The following XKR4 variants were observed in gnomAD, a reference collection of about 807,000 sequenced individuals.
XKR4 encodes XK related 4.
In XKR4, 12 loss-of-function variants were observed where a neutral mutation model predicts 53.9. The observed-to-expected ratio is 0.22, with a 90% confidence interval of 0.14 to 0.36. XKR4 has a LOEUF of 0.36. Ranked by LOEUF, XKR4 falls within the 10% of genes least tolerant of loss-of-function variation. The probability of loss-of-function intolerance (pLI) is 1.00; values close to 1 mark genes in which losing one functional copy is unlikely to be tolerated. For missense variants in XKR4, 799 were observed against 859.5 expected (o/e 0.93, Z 0.88); for synonymous variants, 354 against 362.4 (o/e 0.98, Z 0.26).
At position 55,539,454 on chromosome 8, in the gene XKR4, T is replaced by A. The variant is rs564206166; in HGVS notation, c.*15227T>A. 2.0e-5 allele frequency: 3 copies of A among 152,332 alleles called. No homozygotes were observed. In the South Asian group the frequency reaches 6.2e-4, roughly 32 times the overall value. The allele number at this position is 152,332 out of a possible 1,614,324, so 9.4% of individuals were successfully genotyped here. A position where few individuals can be genotyped will look rare whatever the true frequency, so the allele number is the denominator to read the frequency against. ...GATACGCACTCAATATAATCTCTTC[T>A]GGATTCTAAAATCTAATTGGCAGTG... On this transcript the variant is annotated 3_prime_UTR_variant, in exon 3 of 3. Coordinates refer to ENST00000327381, the MANE Select transcript of XKR4 (RefSeq NM_052898.2).
intron 2 of XKR4, among the ~76,000 whole-genome samples, chr8:55,368,300 G>A (rs143851152): frequency 2.0e-3 from 298 of 152,196 alleles, no homozygotes; most frequent in African/African-American, 6.9e-3. Flanking sequence ...AAAACTCCCT[G>A]GGGACTTCTT....
chr8:55,299,269 T>G (rs60590619), intron 1 of XKR4, among the ~76,000 whole-genome samples: 1 of 152,156 alleles, frequency 6.6e-6, no homozygotes. Context: ...AGTGGAGATA[T>G]TTCTGGCAGC....
intron 2 of XKR4, among the ~76,000 whole-genome samples, chr8:55,390,409 GT>G (rs891113485): frequency 2.0e-4 from 31 of 152,252 alleles, no homozygotes; most frequent in African/African-American, 7.2e-4. Flanking sequence ...TCTGAAAAGG[GT>G]TTTTTACAAA....
chr8:55,243,440 TTAAC>T (rs1818238703), intron 1 of XKR4, among the ~76,000 whole-genome samples: 6 of 152,240 alleles, frequency 3.9e-5, no homozygotes, highest in Admixed American at 3.9e-4. Context: ...TTGGCTTTCT[TTAAC>T]TATTAATATG....
At chr8:55,502,690 A>G (rs1439027798) in intron 2 of XKR4, among the ~76,000 whole-genome samples, 2 of 152,140 alleles carry the variant, frequency 1.3e-5, no homozygotes, top group African/African-American at 4.8e-5. Context: ...CTCTGTTGAT[A>G]GTATCCTTTG....
At chr8:55,497,436 T>C (rs1210260562) in intron 2 of XKR4, among the ~76,000 whole-genome samples, 2 of 152,242 alleles carry the variant, frequency 1.3e-5, no homozygotes, top group Non-Finnish European at 2.9e-5. Flanking sequence ...CCAATAATTA[T>C]TGAATGTTTA....
intron 1 of XKR4, among the ~76,000 whole-genome samples, chr8:55,248,884 C>T (rs1818328541): frequency 6.6e-6 from 1 of 152,110 alleles, no homozygotes; most frequent in African/African-American, 2.4e-5. Flanking sequence ...TTCTACTTCA[C>T]TGTCATGTCT....
At chr8:55,209,613 A>C (rs1817700318) in intron 1 of XKR4, among the ~76,000 whole-genome samples, 1 of 152,116 alleles carries the variant, frequency 6.6e-6, no homozygotes, top group African/African-American at 2.4e-5. Flanking sequence ...TGCCGTGGGG[A>C]AGCCAACTTT....
intron 1 of XKR4, among the ~76,000 whole-genome samples, chr8:55,147,439 G>A (rs1297727204): frequency 6.6e-6 from 1 of 152,178 alleles, no homozygotes; most frequent in East Asian, 1.9e-4. Flanking sequence ...TTAGGGAGGA[G>A]AGCTAATAAC....
intron 2 of XKR4, among the ~76,000 whole-genome samples, chr8:55,458,051 T>G (rs2129397457): frequency 6.6e-6 from 1 of 152,270 alleles, no homozygotes; most frequent in South Asian, 2.1e-4. Context: ...ATGACAGTCC[T>G]CCCCAGATTG....
chr8:55,305,264 A>T (rs955917026), intron 1 of XKR4, among the ~76,000 whole-genome samples: 1 of 152,170 alleles, frequency 6.6e-6, no homozygotes, highest in Non-Finnish European at 1.5e-5. Context: ...CAGGTCCAAT[A>T]CCAGACATCT....
intron 2 of XKR4, chr8:55,451,255 A>G: frequency 1.7e-6 from 1 of 573,858 alleles, no homozygotes; most frequent in East Asian, 3.0e-5. Flanking sequence ...CTGCGCCCAC[A>G]GGTCCAGACA....
intron 2 of XKR4, among the ~76,000 whole-genome samples, chr8:55,446,884 C>G (rs114167952): frequency 1.5e-3 from 221 of 152,226 alleles, no homozygotes; most frequent in African/African-American, 5.1e-3. Context: ...AGAGCAAACC[C>G]TTACAGAAAA....
chr8:55,158,479 C>T (rs1816939054), intron 1 of XKR4, among the ~76,000 whole-genome samples: 2 of 152,150 alleles, frequency 1.3e-5, no homozygotes, highest in Non-Finnish European at 2.9e-5. Context: ...GTTTCTTTTA[C>T]TGTGCAGAAG....
At chr8:55,357,555 C>A in intron 1 of XKR4, 123 bp from the exon 2 acceptor site, 1 of 953,580 alleles carries the variant, frequency 1.0e-6, no homozygotes, top group Admixed American at 2.3e-5. Flanking sequence ...CTCATAAGCC[C>A]CCGAGGTAAT....
chr8:55,266,970 G>A (rs1483974505), intron 1 of XKR4, among the ~76,000 whole-genome samples: 5 of 152,124 alleles, frequency 3.3e-5, no homozygotes, highest in Admixed American at 1.3e-4. Context: ...ATGAATTCAC[G>A]ACCTCTCCTC....
intron 1 of XKR4, among the ~76,000 whole-genome samples, chr8:55,337,708 G>C (rs369714305): frequency 6.6e-6 from 1 of 152,252 alleles, no homozygotes; most frequent in East Asian, 1.9e-4. Context: ...AATATGAAGG[G>C]AGTGGCTGTG....
chr8:55,310,035 G>T (rs1819365504), intron 1 of XKR4, among the ~76,000 whole-genome samples: 1 of 152,004 alleles, frequency 6.6e-6, no homozygotes, highest in Admixed American at 6.6e-5. Flanking sequence ...GTCAATATTT[G>T]TGTGTGCATG....
intron 1 of XKR4, among the ~76,000 whole-genome samples, chr8:55,336,893 C>A (rs1379976302): frequency 6.6e-6 from 1 of 152,134 alleles, no homozygotes; most frequent in Non-Finnish European, 1.5e-5. Flanking sequence ...GCACACGAAC[C>A]TTTATTCTAT....
Sources: allele counts gnomAD v4.1 joint callset (sites outside exome capture counted in the v4.1 genomes callset), GRCh38; gene constraint gnomAD v4.1.1; transcripts MANE v1.5; gene names NCBI Gene and HGNC (gene_info 2026-07-23, HGNC 2026-07-21).